The following GLOD5 variants were observed in gnomAD, a reference collection of about 807,000 sequenced individuals.
GLOD5 encodes glyoxalase domain containing 5, also known as glyoxalase domain-containing protein 5.
A neutral mutation model predicts 9.9 loss-of-function variants in GLOD5; 7 were observed. The ratio of observed to expected loss-of-function variants is 0.71; its 90% CI spans 0.40 to 1.33. GLOD5 has a LOEUF of 1.33. Among genes scored for constraint, GLOD5 ranks in the 40% most tolerant of loss-of-function variants. The probability of loss-of-function intolerance (pLI) is 0.01; values close to 1 mark genes in which losing one functional copy is unlikely to be tolerated. For missense variants in GLOD5, 146 were observed against 128.4 expected, an observed-to-expected ratio of 1.14 and a Z score of -0.66; for synonymous variants, 49 against 47.3, an observed-to-expected ratio of 1.04 and a Z score of -0.14.
chrX:48,773,547 C>A lies in GLOD5; in HGVS notation c.*112C>A. 1 of 852,413 alleles carries A rather than the reference C, an allele frequency of 1.2e-6. No individual in the cohort carries two copies. Among genetic ancestry groups the A allele is most frequent in the Non-Finnish European group, 1.7e-6 (1 of 602,992 alleles). 70.2% of individuals were successfully genotyped at this position (852,413 alleles called of 1,213,427 possible). On this transcript the variant is annotated 3_prime_UTR_variant, in exon 4 of 4. Coordinates refer to ENST00000303227, the MANE Select transcript of GLOD5 (RefSeq NM_001080489.3). ...CCAAAGACTGAGGACTTAGGCACTT[C>A]ACACATCCTGCTGAGGGGGGACCCA...
intron 3 of GLOD5, among the ~76,000 whole-genome samples, chrX:48,772,326 A>G (rs1361272043): frequency 1.1e-4 from 12 of 111,042 alleles, no homozygotes; most frequent in Non-Finnish European, 2.1e-4. Flanking sequence ...ACTTGAACCC[A>G]GGAATTTGAG....
At chrX:48,773,275 T>C (rs1453899900) in intron 3 of GLOD5, 35 bp from the exon 4 acceptor site, 2 of 1,207,037 alleles carry the variant, frequency 1.7e-6, no homozygotes, top group African/African-American at 3.5e-5. Context: ...ACACACATTT[T>C]GACGAACGAC....
chrX:48,770,895 G>T lies in GLOD5; in HGVS notation c.202-32G>T, dbSNP rs782031430. 108 of 1,121,702 alleles carry T rather than the reference G, an allele frequency of 9.6e-5. No individual in the cohort carries two copies. The East Asian group carries it at 3.3e-3, about 34-fold the overall frequency. The allele number at this position is 1,121,702 out of a possible 1,213,427, so 92.4% of individuals were successfully genotyped here. On this transcript the variant is annotated intron_variant, in intron 2 of 3. Coordinates refer to ENST00000303227, the MANE Select transcript of GLOD5 (RefSeq NM_001080489.3). ...CACTCATCTTGGAGGTTTAATTCTAGGCTGTTTTCTCTGCCCCTCCCCACC... is the reference window on the plus strand; with the variant it reads ...CACTCATCTTGGAGGTTTAATTCTATGCTGTTTTCTCTGCCCCTCCCCACC...
chrX:48,767,500 G>C (rs1985046640), intron 2 of GLOD5, among the ~76,000 whole-genome samples: 1 of 110,856 alleles, frequency 9.0e-6, no homozygotes, highest in African/African-American at 3.3e-5. Context: ...GGTGGTGCAC[G>C]CCTGTAATCC....
At chrX:48,772,600 T>C (rs1031866571) in intron 3 of GLOD5, among the ~76,000 whole-genome samples, 1 of 111,156 alleles carries the variant, frequency 9.0e-6, no homozygotes, top group Non-Finnish European at 1.9e-5. Flanking sequence ...TGAGGTCTTA[T>C]ATATATTCTG....
chrX:48,764,552 CTTT>C (rs1163188143), intron 1 of GLOD5, among the ~76,000 whole-genome samples: 14 of 91,686 alleles, frequency 1.5e-4, no homozygotes, highest in African/African-American at 5.5e-4. Flanking sequence ...CCAGAATCTT[CTTT>C]TTTTTTTTTT....
chrX:48,766,646 G>C (rs1424881149), intron 2 of GLOD5, among the ~76,000 whole-genome samples: 1 of 110,232 alleles, frequency 9.1e-6, no homozygotes, highest in Non-Finnish European at 1.9e-5. Flanking sequence ...AGCTACTTGG[G>C]AGGCTGAGGC....
chrX:48,772,133 A>C (rs1405371508), intron 3 of GLOD5, among the ~76,000 whole-genome samples: 2 of 110,454 alleles, frequency 1.8e-5, no homozygotes. Context: ...GCTATTCAAG[A>C]GGGTGAAGTG....
intron 1 of GLOD5, among the ~76,000 whole-genome samples, chrX:48,764,552 CTTTT>C (rs1163188143): frequency 3.2e-4 from 29 of 91,683 alleles, no homozygotes; most frequent in Middle Eastern, 5.5e-3. Context: ...CCAGAATCTT[CTTTT>C]TTTTTTTTTT....
At chrX:48,766,664 T>C (rs1485968649) in intron 2 of GLOD5, among the ~76,000 whole-genome samples, 1 of 109,817 alleles carries the variant, frequency 9.1e-6, no homozygotes, top group Non-Finnish European at 1.9e-5. Flanking sequence ...GGCATGAGAA[T>C]TGCTTGAGCC....
intron 2 of GLOD5, chrX:48,766,180 A>G: frequency 2.6e-6 from 1 of 387,889 alleles, no homozygotes; most frequent in Non-Finnish European, 4.5e-6. Context: ...GAAACAATGC[A>G]AGATAACTTT....
chrX:48,769,387 G>A (rs1602208063), intron 2 of GLOD5, among the ~76,000 whole-genome samples: 2 of 108,129 alleles, frequency 1.8e-5, no homozygotes, highest in Admixed American at 1.0e-4. Context: ...GTGGTGGTGC[G>A]CACCTATAAT....
chrX:48,769,830 AT>A (rs2062617873), intron 2 of GLOD5, among the ~76,000 whole-genome samples: 1 of 107,895 alleles, frequency 9.3e-6, no homozygotes, highest in Non-Finnish European at 1.9e-5. Context: ...ATAAAAAAAA[AT>A]TAGCCAGGCG....
intron 3 of GLOD5, among the ~76,000 whole-genome samples, chrX:48,771,853 G>T (rs1441127915): frequency 1.8e-5 from 2 of 111,851 alleles, no homozygotes; most frequent in African/African-American, 6.5e-5. Context: ...TGTGTAAAAA[G>T]AAGGACTGAA....
At position 48,765,839 on chromosome X, in the gene GLOD5, G is replaced by A; in HGVS notation, c.68G>A (p.Trp23Ter). 1 of 1,185,572 alleles carries A rather than the reference G, an allele frequency of 8.4e-7. No homozygotes were observed. Among genetic ancestry groups the A allele is most frequent in the Non-Finnish European group, 1.1e-6 (1 of 883,403 alleles). ...MWGRTLEKQS[W>*]RDSSQTPPPC... ...GACTTTTTTTTCTTTTTTTAGTCAT[G>A]GAGGGACAGCAGTCAGACCCCTCCC... Residue 23 changes from tryptophan (W) to a stop codon, truncating the protein, a stop_gained, in exon 2 of 4, where the codon TGG becomes TAG. Transcript: ENST00000303227. LOFTEE classifies it high-confidence loss of function.
chrX:48,770,646 G>T (rs1047317986), intron 2 of GLOD5, among the ~76,000 whole-genome samples: 22 of 111,566 alleles, frequency 2.0e-4, no homozygotes, highest in Non-Finnish European at 3.6e-4. Flanking sequence ...GTGTTTATAA[G>T]AAATAAAGGG....
chrX:48,768,094 T>G (rs1557016904), intron 2 of GLOD5, among the ~76,000 whole-genome samples: 1 of 111,895 alleles, frequency 8.9e-6, no homozygotes, highest in African/African-American at 3.2e-5. Context: ...CCCTCCTGAG[T>G]AGTTGAGACT....
At chrX:48,770,215 C>T (rs1224585818) in intron 2 of GLOD5, among the ~76,000 whole-genome samples, 1 of 109,658 alleles carries the variant, frequency 9.1e-6, no homozygotes, top group Non-Finnish European at 1.9e-5. Context: ...GTGGAGGTTG[C>T]GGTAAGCCAA....
chrX:48,770,804 A>T, intron 2 of GLOD5, 123 bp from the exon 3 acceptor site: 1 of 500,678 alleles, frequency 2.0e-6, no homozygotes, highest in Non-Finnish European at 3.1e-6. Context: ...GCTGTTGTGT[A>T]GTAGCCCCAT....
Sources: gnomAD v4.1 joint callset for allele counts (sites outside exome capture counted in the v4.1 genomes callset) on GRCh38, gnomAD v4.1.1 for gene constraint, MANE v1.5 for transcripts, NCBI Gene and HGNC (gene_info 2026-07-23, HGNC 2026-07-21) for gene names.